The following STPG2 variants were observed in gnomAD, a reference collection of about 807,000 sequenced individuals.
STPG2 encodes the protein sperm-tail PG-rich repeat-containing protein 2.
A neutral mutation model predicts 54.2 loss-of-function variants in STPG2; 56 were observed. The observed-to-expected ratio is 1.03, with a 90% CI of 0.83 to 1.29. The LOEUF (loss-of-function observed/expected upper bound fraction) is 1.29, where lower values mean the gene tolerates loss of function less well. Among genes scored for constraint, STPG2 ranks in the 50% most tolerant of loss-of-function variants. The probability of loss-of-function intolerance (pLI) is 0.00; values close to 1 mark genes in which losing one functional copy is unlikely to be tolerated. For missense variants in STPG2, 596 were observed against 544.9 expected, an observed-to-expected ratio of 1.09 and a Z score of -0.93; for synonymous variants, 200 against 181.8, an observed-to-expected ratio of 1.10 and a Z score of -0.81.
Position 97,444,844 on chromosome 4 carries a change from A to G in STPG2, c.463-257011T>C, listed in dbSNP as rs567868495. On this transcript the variant is annotated intron_variant, in intron 4 of 4. Coordinates refer to the STPG2 transcript ENST00000522676. Reference sequence around the variant, plus strand: ...GGAGATCGAGACCATCCTGGCTAACATCGTGAAACCCCGTCTCTACTAAAA... The same window carrying G: ...GGAGATCGAGACCATCCTGGCTAACGTCGTGAAACCCCGTCTCTACTAAAA... Among the ~76,000 whole-genome samples the G allele has an allele frequency of 4.6e-5, 7 of 152,280 alleles. No homozygotes were observed. The South Asian group carries it at 8.3e-4, about 18-fold the overall frequency.
At chr4:97,904,973 C>G (rs936060909) in intron 8 of STPG2, among the ~76,000 whole-genome samples, 12 of 151,998 alleles carry the variant, frequency 7.9e-5, no homozygotes, top group African/African-American at 2.9e-4. Context: ...ACAAAATCTA[C>G]GTCTGATTGG....
intron 10 of STPG2, among the ~76,000 whole-genome samples, chr4:97,701,825 A>G (rs1312394382): frequency 2.0e-5 from 3 of 152,180 alleles, no homozygotes; most frequent in African/African-American, 7.2e-5. Flanking sequence ...TGTCCATCAC[A>G]GTAGCTACGA....
intron 8 of STPG2, among the ~76,000 whole-genome samples, chr4:97,931,274 G>A (rs906277973): frequency 6.6e-6 from 1 of 152,182 alleles, no homozygotes; most frequent in Non-Finnish European, 1.5e-5. Context: ...TTTTCAAAAG[G>A]AATACTTCCA....
At chr4:97,617,883 C>T (rs1227687905) in intron 10 of STPG2, among the ~76,000 whole-genome samples, 1 of 152,094 alleles carries the variant, frequency 6.6e-6, no homozygotes, top group African/African-American at 2.4e-5. Context: ...TGATATACAT[C>T]ATAGTCTTTA....
At chr4:98,004,072 T>C (rs553657077) in intron 5 of STPG2, among the ~76,000 whole-genome samples, 2 of 152,118 alleles carry the variant, frequency 1.3e-5, no homozygotes, top group South Asian at 4.1e-4. Flanking sequence ...GTAAACTGAA[T>C]TAATAGAGTT....
chr4:97,568,895 G>A (rs1247497507), intron 10 of STPG2, among the ~76,000 whole-genome samples: 1 of 130,876 alleles, frequency 7.6e-6, no homozygotes, highest in African/African-American at 2.7e-5. Context: ...TTTGTTTTTT[G>A]TTTTGTTTTT....
chr4:98,059,119 TAGAG>T (rs1482816879), intron 5 of STPG2, among the ~76,000 whole-genome samples: 3 of 150,750 alleles, frequency 2.0e-5, no homozygotes, highest in Non-Finnish European at 4.4e-5. Context: ...AAAGAAAAAA[TAGAG>T]AGGATCCAAA....
At chr4:97,682,121 T>G (rs533330077) in intron 10 of STPG2, among the ~76,000 whole-genome samples, 1 of 151,892 alleles carries the variant, frequency 6.6e-6, no homozygotes, top group African/African-American at 2.4e-5. Flanking sequence ...AGCAGAAAGT[T>G]ATATGCTACC....
chr4:97,971,306 A>G (rs1168506067), intron 7 of STPG2, among the ~76,000 whole-genome samples: 2 of 152,216 alleles, frequency 1.3e-5, no homozygotes, highest in Admixed American at 1.3e-4. Flanking sequence ...TATTGGGTAT[A>G]TACCCAAGGG....
At chr4:97,928,934 G>C (rs1332430079) in intron 8 of STPG2, among the ~76,000 whole-genome samples, 1 of 151,794 alleles carries the variant, frequency 6.6e-6, no homozygotes, top group African/African-American at 2.4e-5. Context: ...TTGTTACATA[G>C]GTAAACTTGT....
chr4:97,528,988 T>C (rs565369354), intron 4 of STPG2, among the ~76,000 whole-genome samples: 1 of 152,302 alleles, frequency 6.6e-6, no homozygotes, highest in South Asian at 2.1e-4. Flanking sequence ...TTCTCTTGCC[T>C]GACTGCCCTG....
intron 10 of STPG2, among the ~76,000 whole-genome samples, chr4:97,626,135 G>A (rs183243424): frequency 1.3e-5 from 2 of 152,212 alleles, no homozygotes; most frequent in Admixed American, 6.5e-5. Context: ...ATATTTACAT[G>A]TGTCTTAATA....
chr4:97,984,466 C>T (rs1283701993), intron 5 of STPG2, among the ~76,000 whole-genome samples: 1 of 152,134 alleles, frequency 6.6e-6, no homozygotes, highest in Non-Finnish European at 1.5e-5. Flanking sequence ...CTTACATTCA[C>T]TACCCACTCA....
rs554383573 is a variant in STPG2 at position 97,454,711 on chromosome 4, A to G, written c.462+257988T>C. The stretch of plus-strand genomic sequence containing the variant: ...AATATTAGAATAACTAAAAGAAAAT[A>G]CAAATGAATATCATGCCTAGAATTT... On this transcript the variant is annotated intron_variant, in intron 4 of 4. Coordinates refer to the STPG2 transcript ENST00000522676. Among the ~76,000 whole-genome samples, 7 of 152,216 alleles carry G rather than the reference A, an allele frequency of 4.6e-5. No homozygotes were observed. The East Asian group carries it at 1.3e-3, about 29-fold the overall frequency.
At chr4:97,713,843 T>G (rs561844798) in intron 9 of STPG2, among the ~76,000 whole-genome samples, 19 of 152,278 alleles carry the variant, frequency 1.2e-4, no homozygotes, top group Non-Finnish European at 4.4e-5. Flanking sequence ...AGACGTAATT[T>G]TTTTTCTTCA....
At chr4:97,895,111 T>C (rs1288992083) in intron 8 of STPG2, among the ~76,000 whole-genome samples, 1 of 151,690 alleles carries the variant, frequency 6.6e-6, no homozygotes, top group African/African-American at 2.4e-5. Context: ...GAAAATTCAA[T>C]CTAGATATAG....
chr4:97,784,925 A>G (rs41397346), intron 9 of STPG2, among the ~76,000 whole-genome samples: 2,641 of 152,088 alleles, frequency 0.017, 72 homozygotes, highest in African/African-American at 0.06. Flanking sequence ...GCAAAATTTA[A>G]TCTTTCTGTA....
At position 97,588,578 on chromosome 4, in the gene STPG2, A is replaced by G. The variant is rs111931063; in HGVS notation, c.1321-29461T>C. ...TGGCAAATTTAAAAACTCTGATGCT[A>G]TCCACTGCAGGCAAGAGTGCAATAA... On this transcript the variant is annotated intron_variant, in intron 10 of 10. Coordinates refer to ENST00000295268, the MANE Select transcript of STPG2 (RefSeq NM_174952.3). 5.4e-3 allele frequency among the ~76,000 whole-genome samples: 825 copies of G among 152,218 alleles called. 6 individuals are homozygous for G. The highest frequency in any genetic ancestry group is 0.02 in the Middle Eastern group (6 of 294).
chr4:97,729,201 A>AT (rs1324026106), intron 9 of STPG2, among the ~76,000 whole-genome samples: 1 of 151,734 alleles, frequency 6.6e-6, no homozygotes, highest in Non-Finnish European at 1.5e-5. Context: ...GAAAAAAAAA[A>AT]GCATCTATTA....
Sources: gnomAD v4.1 joint callset for allele counts (sites outside exome capture counted in the v4.1 genomes callset) on GRCh38, gnomAD v4.1.1 for gene constraint, MANE v1.5 for transcripts, NCBI Gene and HGNC (gene_info 2026-07-23, HGNC 2026-07-21) for gene names.